SFMBT1: variants seen among roughly 807,000 people sequenced by gnomAD.
The protein encoded by SFMBT1 is Scm like with four mbt domains 1, also known as scm-like with four MBT domains protein 1.
A neutral mutation model predicts 108.7 loss-of-function variants in SFMBT1; 32 were observed. The observed-to-expected ratio is 0.29, with a 90% CI of 0.22 to 0.40. The LOEUF (loss-of-function observed/expected upper bound fraction) is 0.40. SFMBT1 is among the 10% of genes least tolerant of loss of function. The pLI, the probability that SFMBT1 is intolerant of heterozygous loss-of-function variation, is 1.00. For missense variants in SFMBT1, 816 were observed against 1,059.6 expected (o/e 0.77, Z 3.19); for synonymous variants, 348 against 369.5 (o/e 0.94, Z 0.67).
intron 3 of SFMBT1, among the ~76,000 whole-genome samples, chr3:52,951,143 A>AG (rs1703575872): frequency 7.0e-6 from 1 of 143,112 alleles, no homozygotes; most frequent in African/African-American, 2.6e-5. Flanking sequence ...GAAAAATCCA[A>AG]GGTTTTCTTT....
chr3:53,024,450 A>T (rs1173433509), intron 1 of SFMBT1, among the ~76,000 whole-genome samples: 1 of 150,014 alleles, frequency 6.7e-6, no homozygotes, highest in East Asian at 1.9e-4. Flanking sequence ...AGGATATCTG[A>T]GAGATGGGGA....
chr3:53,016,701 C>G (rs1255428885), intron 1 of SFMBT1, among the ~76,000 whole-genome samples: 1 of 152,142 alleles, frequency 6.6e-6, no homozygotes, highest in East Asian at 1.9e-4. Flanking sequence ...TCTGACAGTT[C>G]TATGTGATTA....
chr3:52,934,870 C>G lies in SFMBT1; in HGVS notation c.396G>C (p.Glu132Asp), dbSNP rs375911318. ...CTCCTATCAGGGTCTGCCGCAGAAA[C>G]TCATCCCAGTCAGATACTTTATCTC... ...GIRDKVSDWD[E>D]FLRQTLIGAC... Residue 132 changes from glutamate to aspartate, a missense_variant, in exon 5 of 21, where the codon GAG becomes GAC. Glu to Asp is a conservative substitution (Grantham distance 45). Coordinates refer to ENST00000394752, the MANE Select transcript of SFMBT1 (RefSeq NM_016329.4). 1 of 1,613,674 alleles carries G rather than the reference C, an allele frequency of 6.2e-7. No individual in the cohort carries two copies. Among genetic ancestry groups the G allele is most frequent in the South Asian group, 1.1e-5 (1 of 90,966 alleles).
At chr3:52,939,177 T>C (rs1203476234) in intron 4 of SFMBT1, among the ~76,000 whole-genome samples, 1 of 152,356 alleles carries the variant, frequency 6.6e-6, no homozygotes, top group Non-Finnish European at 1.5e-5. Flanking sequence ...ATACTTTCAT[T>C]AGAACAATTT....
chr3:52,918,572 C>A (rs767140567), intron 12 of SFMBT1, 46 bp from the exon 13 acceptor site: 8 of 1,319,568 alleles, frequency 6.1e-6, no homozygotes, highest in East Asian at 2.4e-5. Context: ...AATAAAAAGA[C>A]AAAGGAAAAT....
At chr3:53,004,370 T>C (rs895745019) in intron 1 of SFMBT1, among the ~76,000 whole-genome samples, 4 of 149,272 alleles carry the variant, frequency 2.7e-5, no homozygotes, top group African/African-American at 9.7e-5. Flanking sequence ...CCTCCTGGGT[T>C]CAAGCGATTC....
intron 16 of SFMBT1, 43 bp from the exon 17 acceptor site, chr3:52,911,221 G>A: frequency 6.5e-7 from 1 of 1,528,278 alleles, no homozygotes; most frequent in Non-Finnish European, 8.8e-7. Context: ...TTGGGCTAAT[G>A]ATTACCCAGA....
intron 17 of SFMBT1, among the ~76,000 whole-genome samples, chr3:52,909,473 A>G (rs1575364747): frequency 6.6e-6 from 1 of 152,242 alleles, no homozygotes; most frequent in African/African-American, 2.4e-5. Flanking sequence ...AATACTGATT[A>G]GAAAGCTCGT....
chr3:53,045,555 G>T (rs1700204747), intron 1 of SFMBT1, among the ~76,000 whole-genome samples: 1 of 142,376 alleles, frequency 7.0e-6, no homozygotes. Flanking sequence ...GCGCGCCCCT[G>T]CAGCCGGCCG....
At position 52,986,611 on chromosome 3, in the gene SFMBT1, C is replaced by CA. The variant is rs202120801; in HGVS notation, c.-130-17354dup. ...CAAAATCCCATCTCTACTAAAAATACAAAAAAAAAACTTAGTCGGGCAGGC... is the reference window on the plus strand; with the variant it reads ...CAAAATCCCATCTCTACTAAAAATACAAAAAAAAAAACTTAGTCGGGCAGGC... On this transcript the variant is annotated intron_variant, in intron 1 of 20. Transcript: ENST00000394752. Among the ~76,000 whole-genome samples the CA allele has an allele frequency of 8.0e-3, 1,160 of 145,888 alleles. 58 individuals carry two copies. The highest frequency in any genetic ancestry group is 0.071 in the Admixed American group (1,036 of 14,636).
intron 1 of SFMBT1, among the ~76,000 whole-genome samples, chr3:52,997,588 C>A (rs754598300): frequency 1.3e-5 from 2 of 149,984 alleles, no homozygotes; most frequent in Non-Finnish European, 3.0e-5. Context: ...ACTACTGATA[C>A]ATGCAATAAC....
intron 1 of SFMBT1, among the ~76,000 whole-genome samples, chr3:53,005,617 T>A (rs972968276): frequency 2.6e-5 from 4 of 152,136 alleles, no homozygotes; most frequent in Admixed American, 6.5e-5. Flanking sequence ...CAGCTGGGAT[T>A]TAATTTTGAA....
chr3:52,912,446 G>A lies in SFMBT1; in HGVS notation c.1730+92C>T, dbSNP rs932636460. On this transcript the variant is annotated intron_variant, in intron 16 of 20. Coordinates refer to ENST00000394752, the MANE Select transcript of SFMBT1 (RefSeq NM_016329.4). ...GCCCGCCTCGGCCTCCCAAAGTGCT[G>A]GGATTACAGGTGTGAGCCACTGTGC... 2.0e-5 allele frequency: 21 copies of A among 1,049,502 alleles called. No homozygotes were observed. The African/African-American group carries it at 2.8e-4, about 14-fold the overall frequency. 65.0% of individuals were successfully genotyped at this position (1,049,502 alleles called of 1,614,324 possible). A position where few individuals can be genotyped will look rare whatever the true frequency, so the allele number is the denominator to read the frequency against.
At chr3:52,976,883 G>T (rs1319266690) in intron 1 of SFMBT1, among the ~76,000 whole-genome samples, 1 of 152,112 alleles carries the variant, frequency 6.6e-6, no homozygotes, top group Non-Finnish European at 1.5e-5. Context: ...TTTTCACCCA[G>T]ATTGGCAAAA....
intron 2 of SFMBT1, among the ~76,000 whole-genome samples, 153 bp downstream of exon 2, chr3:52,968,948 C>T (rs1704246653): frequency 6.6e-6 from 1 of 152,052 alleles, no homozygotes; most frequent in Admixed American, 6.6e-5. Context: ...CCCCTAGTGC[C>T]AGGTTCTCTG....
At chr3:52,949,357 C>G (rs1486596614) in intron 3 of SFMBT1, among the ~76,000 whole-genome samples, 2 of 152,074 alleles carry the variant, frequency 1.3e-5, no homozygotes, top group Non-Finnish European at 2.9e-5. Flanking sequence ...TCAACAATGT[C>G]CTTACTAATT....
chr3:52,928,424 A>G, intron 8 of SFMBT1, 83 bp from the exon 9 acceptor site: 2 of 1,440,976 alleles, frequency 1.4e-6, no homozygotes, highest in Non-Finnish European at 1.9e-6. Context: ...ACATATTACA[A>G]AAGTTCATAC....
At chr3:52,984,785 T>C (rs1704848496) in intron 1 of SFMBT1, among the ~76,000 whole-genome samples, 1 of 147,842 alleles carries the variant, frequency 6.8e-6, no homozygotes, top group South Asian at 2.2e-4. Flanking sequence ...CATACTATAA[T>C]GATTCATACT....
chr3:52,953,980 C>T (rs1703684557), intron 3 of SFMBT1, among the ~76,000 whole-genome samples: 1 of 151,956 alleles, frequency 6.6e-6, no homozygotes, highest in Non-Finnish European at 1.5e-5. Flanking sequence ...CAAAAAATAG[C>T]CGGGCGTGGT....
Sources: gnomAD v4.1 joint callset for allele counts (sites outside exome capture counted in the v4.1 genomes callset) on GRCh38, gnomAD v4.1.1 for gene constraint, MANE v1.5 for transcripts, NCBI Gene and HGNC (gene_info 2026-07-23, HGNC 2026-07-21) for gene names.